BAALC: variants seen among roughly 807,000 people sequenced by gnomAD.
BAALC encodes the protein BAALC binder of MAP3K1 and KLF4.
In BAALC, 9 loss-of-function variants were observed where a neutral mutation model predicts 15.5. That is an observed-to-expected ratio of 0.58 (90% CI 0.35 to 1.02). BAALC has a LOEUF of 1.02. BAALC is among the 50% of genes least tolerant of loss of function. The probability of loss-of-function intolerance (pLI) is 0.02; values close to 1 mark genes in which losing one functional copy is unlikely to be tolerated. For synonymous variants in BAALC, 80 were observed against 74.6 expected (o/e 1.07, Z -0.37); for missense variants, 201 against 192.4 (o/e 1.04, Z -0.27).
chr8:103,199,238 A>C (rs894959879), intron 1 of BAALC, among the ~76,000 whole-genome samples: 1 of 151,950 alleles, frequency 6.6e-6, no homozygotes, highest in African/African-American at 2.4e-5. Flanking sequence ...TGCCCTCCAA[A>C]ATGGACAGTT....
intron 1 of BAALC, among the ~76,000 whole-genome samples, chr8:103,180,521 T>C (rs1043441063): frequency 4.6e-5 from 7 of 152,134 alleles, no homozygotes; most frequent in Non-Finnish European, 8.8e-5. Context: ...CAACCTCACA[T>C]GTTGTGGCAG....
chr8:103,167,886 A>C (rs59216783), intron 1 of BAALC, among the ~76,000 whole-genome samples: 23,995 of 152,134 alleles, frequency 0.16, 2,280 homozygotes, highest in East Asian at 0.41. Context: ...TTTTAAAGAT[A>C]TTCATCAAAT....
intron 1 of BAALC, among the ~76,000 whole-genome samples, chr8:103,143,940 C>T (rs368682592): frequency 3.3e-4 from 50 of 152,274 alleles, no homozygotes; most frequent in African/African-American, 1.0e-3. Context: ...CCTTTCTGAT[C>T]GCACAACTTC....
chr8:103,219,890 G>A (rs1031585846), intron 2 of BAALC, among the ~76,000 whole-genome samples: 2 of 152,120 alleles, frequency 1.3e-5, no homozygotes, highest in African/African-American at 2.4e-5. Context: ...TAATCTTTTG[G>A]GAAGGAAGAG....
At chr8:103,160,252 C>T (rs1488760643) in intron 1 of BAALC, among the ~76,000 whole-genome samples, 1 of 152,138 alleles carries the variant, frequency 6.6e-6, no homozygotes, top group Non-Finnish European at 1.5e-5. Flanking sequence ...AGCATAGGGG[C>T]TCAAAGGCCG....
chr8:103,220,052 G>A (rs2130085979), intron 2 of BAALC, among the ~76,000 whole-genome samples: 1 of 152,272 alleles, frequency 6.6e-6, no homozygotes, highest in Middle Eastern at 3.4e-3. Context: ...CATGGCCCAA[G>A]GAGTCATGAT....
At chr8:103,211,618 T>C (rs553193818) in intron 1 of BAALC, among the ~76,000 whole-genome samples, 3 of 152,370 alleles carry the variant, frequency 2.0e-5, no homozygotes, top group African/African-American at 7.2e-5. Context: ...TTGCTCATTC[T>C]TGTTTTTGTA....
chr8:103,145,008 C>T (rs1810850358), intron 1 of BAALC, among the ~76,000 whole-genome samples: 1 of 152,178 alleles, frequency 6.6e-6, no homozygotes. Flanking sequence ...TTTCCCAGTT[C>T]CAGCCTGGAA....
chr8:103,228,379 C>G lies in BAALC; in HGVS notation c.*280C>G, dbSNP rs1481061614. 2 of 324,304 alleles carry G rather than the reference C, an allele frequency of 6.2e-6. No individual in the cohort carries two copies. Among genetic ancestry groups the G allele is most frequent in the Non-Finnish European group, 1.1e-5 (2 of 176,584 alleles). 20.1% of individuals were successfully genotyped at this position (324,304 alleles called of 1,614,324 possible). On this transcript the variant is annotated 3_prime_UTR_variant, in exon 3 of 3. Transcript: ENST00000309982. The stretch of plus-strand genomic sequence containing the variant: ...CTCTTTGCAACTCCTGTAATACGGT[C>G]TGGTGTAAAAGTAGTGAGTTAAAGC...
chr8:103,213,854 A>T (rs1165730133), intron 2 of BAALC, among the ~76,000 whole-genome samples: 1 of 152,162 alleles, frequency 6.6e-6, no homozygotes, highest in Non-Finnish European at 1.5e-5. Flanking sequence ...TGTCAAAATT[A>T]TACTGAACCA....
In BAALC at chr8:103,225,442, A is replaced by C. The variant is rs75016552; in HGVS notation, c.328-2547A>C. On this transcript the variant is annotated intron_variant, in intron 2 of 2. Transcript: ENST00000309982. The stretch of plus-strand genomic sequence containing the variant: ...CCTAAACGCAGAACCTGAGATAAGG[A>C]TGTAAGTAATTGAAAGGATGCAAGT... Among the ~76,000 whole-genome samples, 728 of 152,316 alleles carry C rather than the reference A, an allele frequency of 4.8e-3. 5 individuals carry two copies. Among genetic ancestry groups the C allele is most frequent in the African/African-American group, 0.016 (647 of 41,568 alleles).
intron 2 of BAALC, among the ~76,000 whole-genome samples, chr8:103,220,723 G>A (rs180905778): frequency 6.6e-6 from 1 of 152,310 alleles, no homozygotes; most frequent in African/African-American, 2.4e-5. Context: ...GAAAATCCCT[G>A]CAACATTCCA....
intron 1 of BAALC, among the ~76,000 whole-genome samples, chr8:103,144,130 C>G (rs1346236776): frequency 6.6e-6 from 1 of 152,174 alleles, no homozygotes; most frequent in Non-Finnish European, 1.5e-5. Context: ...TTCTCTTAGC[C>G]CAATCCAGAT....
At chr8:103,157,471 A>G (rs1236730572) in intron 1 of BAALC, among the ~76,000 whole-genome samples, 3 of 152,122 alleles carry the variant, frequency 2.0e-5, no homozygotes, top group African/African-American at 4.8e-5. Context: ...AACTTCATCC[A>G]TGAATACTTT....
intron 1 of BAALC, among the ~76,000 whole-genome samples, chr8:103,169,218 T>A (rs1183956089): frequency 2.0e-5 from 3 of 152,154 alleles, no homozygotes; most frequent in African/African-American, 7.2e-5. Flanking sequence ...CTTTTGAATT[T>A]TTCATTCCCT....
intron 1 of BAALC, among the ~76,000 whole-genome samples, chr8:103,194,872 A>G (rs1812057419): frequency 6.6e-6 from 1 of 152,198 alleles, no homozygotes; most frequent in African/African-American, 2.4e-5. Flanking sequence ...GCCCATTTAT[A>G]CAGTAGTGAT....
At chr8:103,177,059 G>A (rs1264306107) in intron 1 of BAALC, among the ~76,000 whole-genome samples, 2 of 152,062 alleles carry the variant, frequency 1.3e-5, no homozygotes, top group African/African-American at 2.4e-5. Flanking sequence ...CTGGGTTTTT[G>A]TTGAAGTTGT....
chr8:103,225,146 G>A (rs546590830), intron 2 of BAALC, among the ~76,000 whole-genome samples: 2 of 152,334 alleles, frequency 1.3e-5, no homozygotes, highest in South Asian at 4.1e-4. Context: ...GTGTAAGACT[G>A]AGCCCTAAAT....
intron 2 of BAALC, among the ~76,000 whole-genome samples, chr8:103,217,299 G>A (rs1256879384): frequency 6.6e-6 from 1 of 152,194 alleles, no homozygotes; most frequent in Non-Finnish European, 1.5e-5. Flanking sequence ...AAAGGCCAAC[G>A]CAAAGGTTTT....
Sources: allele counts gnomAD v4.1 joint callset (sites outside exome capture counted in the v4.1 genomes callset), GRCh38; gene constraint gnomAD v4.1.1; transcripts MANE v1.5; gene names NCBI Gene and HGNC (gene_info 2026-07-23, HGNC 2026-07-21).